Variants in SERPINA9 observed in about 807,000 individuals in gnomAD.
SERPINA9 encodes serpin A9.
Under a neutral mutation model 24.5 loss-of-function variants are expected in SERPINA9, and 32 were observed. The observed-to-expected ratio is 1.30, with a 90% confidence interval of 0.98 to 1.75. SERPINA9 has a LOEUF of 1.75. SERPINA9 is among the 40% of genes most tolerant of loss of function. SERPINA9 has a pLI of 0.00. For synonymous variants in SERPINA9, 233 were observed against 197.7 expected (o/e 1.18, Z -1.50); for missense variants, 594 against 497.1 (o/e 1.19, Z -1.85).
intron 3 of SERPINA9, among the ~76,000 whole-genome samples, chr14:94,465,936 C>T (rs10130707): frequency 0.28 from 42,781 of 152,074 alleles, 6,429 homozygotes; most frequent in East Asian, 0.43. Context: ...CTTAGTGACT[C>T]ACAGCAACGA....
At chr14:94,475,420 G>GCACA (rs796392665) in intron 1 of SERPINA9, among the ~76,000 whole-genome samples, 1 of 111,646 alleles carries the variant, frequency 9.0e-6, no homozygotes, top group Non-Finnish European at 1.9e-5. Context: ...GCCTACATGT[G>GCACA]CACACACACA....
At chr14:94,475,296 A>C (rs1899535359) in intron 1 of SERPINA9, among the ~76,000 whole-genome samples, 1 of 151,982 alleles carries the variant, frequency 6.6e-6, no homozygotes, top group African/African-American at 2.4e-5. Context: ...GTAACTCATC[A>C]GCTCACTCTC....
chr14:94,472,996 T>C (rs1185127689), intron 1 of SERPINA9, among the ~76,000 whole-genome samples: 1 of 152,150 alleles, frequency 6.6e-6, no homozygotes, highest in Non-Finnish European at 1.5e-5. Context: ...CATGCAGGGA[T>C]GTGCGGACTT....
Position 94,469,247 on chromosome 14 carries a change from C to CG in SERPINA9, c.593dup (p.Ala199GlyfsTer11). ...AAATGTGGTTCACCAGAACCATGGC[C>CG]GTCAGAAGGTCAAGGCCTTGGATTA... On this transcript the variant is annotated frameshift_variant, in exon 2 of 5. Coordinates refer to ENST00000674397, the MANE Select transcript of SERPINA9 (RefSeq NM_175739.4). LOFTEE classifies it high-confidence loss of function. 5.0e-6 allele frequency: 8 copies of CG among 1,613,914 alleles called. No individual in the cohort carries two copies. Among genetic ancestry groups the CG allele is most frequent in the Middle Eastern group, 1.6e-4 (1 of 6,062 alleles).
intron 3 of SERPINA9, among the ~76,000 whole-genome samples, chr14:94,465,783 C>T (rs1898975068): frequency 6.6e-6 from 1 of 152,186 alleles, no homozygotes; most frequent in Non-Finnish European, 1.5e-5. Context: ...CCCGCCTCGG[C>T]TTCCCAAAGT....
chr14:94,469,175 AAAAT>A lies in SERPINA9; in HGVS notation c.628+34_628+37del, dbSNP rs141362535. 3.4e-3 allele frequency: 5,345 copies of A among 1,562,354 alleles called. 255 individuals are homozygous for A. The East Asian group carries it at 0.099, about 29-fold the overall frequency. ...AAGCAAAAATCATCATCATCATCAT[AAAAT>A]AAATAAATAAAAATCAACTTCTCAA... On this transcript the variant is annotated intron_variant, in intron 2 of 4. Coordinates refer to ENST00000674397, the MANE Select transcript of SERPINA9 (RefSeq NM_175739.4).
At position 94,475,970 on chromosome 14, in the gene SERPINA9, A is replaced by C. The variant is rs1899621755; in HGVS notation, c.-18+166T>G. ...ACTCCAGCCTGGCTTCTGTATCCACAAAAATGTGACCCAGATGCTACTAAA... is the reference window on the plus strand; with the variant it reads ...ACTCCAGCCTGGCTTCTGTATCCACCAAAATGTGACCCAGATGCTACTAAA... On this transcript the variant is annotated intron_variant, in intron 1 of 4. Transcript: ENST00000674397. 3.0e-6 allele frequency: 3 copies of C among 1,001,386 alleles called. No individual in the cohort carries two copies. In the Admixed American group the frequency reaches 6.8e-5, roughly 23 times the overall value. The allele number at this position is 1,001,386 out of a possible 1,614,324, so 62.0% of individuals were successfully genotyped here.
chr14:94,475,880 C>G, intron 1 of SERPINA9: 1 of 515,056 alleles, frequency 1.9e-6, no homozygotes, highest in South Asian at 3.4e-5. Flanking sequence ...CCCTTGTGGC[C>G]CAAATTTTCA....
chr14:94,472,148 CT>C (rs1899351037), intron 1 of SERPINA9, among the ~76,000 whole-genome samples: 1 of 152,106 alleles, frequency 6.6e-6, no homozygotes, highest in Admixed American at 6.5e-5. Context: ...ACTGCTTCCC[CT>C]CTCTTCGGCC....
At chr14:94,472,077 C>T (rs148215942) in intron 1 of SERPINA9, among the ~76,000 whole-genome samples, 39 of 151,800 alleles carry the variant, frequency 2.6e-4, no homozygotes, top group African/African-American at 8.9e-4. Flanking sequence ...GGACAGATAG[C>T]CAGGGTCCTG....
rs1349528009 is a variant in SERPINA9 at position 94,463,101 on chromosome 14, T to C, written c.1246A>G (p.Lys416Glu). ...AACAGGCCATTTCCCACCTAGGATT[T>C]AGTGGGATTTTCCACTTTCCCTAGA... ...LFLGKVENPT[K>E]S The change falls in exon 5 of 5, where the codon AAA (lysine) becomes GAA (glutamate). Residue 416 changes from lysine (K) to glutamate (E), a missense_variant. Lys to Glu is a moderately conservative substitution (Grantham distance 56). Coordinates refer to ENST00000674397, the MANE Select transcript of SERPINA9 (RefSeq NM_175739.4). The C allele has an allele frequency of 1.2e-6, 2 of 1,611,802 alleles. No individual in the cohort carries two copies. The highest frequency in any genetic ancestry group is 1.7e-6 in the Non-Finnish European group (2 of 1,177,946).
intron 2 of SERPINA9, 79 bp downstream of exon 2, chr14:94,469,134 G>T: frequency 7.5e-7 from 1 of 1,333,942 alleles, no homozygotes; most frequent in Non-Finnish European, 1.0e-6. Context: ...GGTTTGTCTG[G>T]CTTGTGTATT....
intron 4 of SERPINA9, 158 bp downstream of exon 4, chr14:94,464,549 G>C (rs1898902428): frequency 1.6e-6 from 1 of 620,232 alleles, no homozygotes; most frequent in Non-Finnish European, 2.8e-6. Context: ...CCAGAGGGAT[G>C]GTGGCCATAG....
At chr14:94,465,562 C>G (rs1273492723) in intron 3 of SERPINA9, among the ~76,000 whole-genome samples, 3 of 152,038 alleles carry the variant, frequency 2.0e-5, no homozygotes. Flanking sequence ...GAGTCTCACT[C>G]TGTCGCTCAG....
intron 1 of SERPINA9, among the ~76,000 whole-genome samples, chr14:94,474,354 C>T (rs1336357969): frequency 6.6e-6 from 1 of 152,172 alleles, no homozygotes; most frequent in African/African-American, 2.4e-5. Flanking sequence ...GGGAGACCCA[C>T]CTGAAGTCGG....
rs368995727 is a variant in SERPINA9, at chr14:94,469,785, T to C, written c.56A>G (p.Tyr19Cys). ...GGGGGCATTGGCCGGGGACACACAG[T>C]AGATTGGAGCACAGAGGCCAACAGC... ...LFAVGLCAPI[Y>C]CVSPANAPSA... is the part of the protein sequence containing the mutation. The change falls in exon 2 of 5, where the codon TAC becomes TGC. Residue 19 changes from tyrosine to cysteine, a missense_variant. Transcript: ENST00000674397. 8.5e-6 allele frequency: 13 copies of C among 1,537,028 alleles called. No homozygotes were observed. In the African/African-American group the frequency reaches 1.8e-4, roughly 21 times the overall value.
chr14:94,475,654 T>A (rs1899577586), intron 1 of SERPINA9, among the ~76,000 whole-genome samples: 2 of 152,162 alleles, frequency 1.3e-5, no homozygotes, highest in African/African-American at 2.4e-5. Context: ...TCCCCCTTCC[T>A]GGGCCTTAGA....
At chr14:94,475,954 TG>T in intron 1 of SERPINA9, 181 bp downstream of exon 1, 3 of 790,884 alleles carry the variant, frequency 3.8e-6, no homozygotes, top group South Asian at 1.7e-5. Flanking sequence ...CACTCCAGCC[TG>T]GCTTCTGTAT....
At position 94,469,728 on chromosome 14, in the gene SERPINA9, C is replaced by T. The variant is rs372542319; in HGVS notation, c.113G>A (p.Ser38Asn). 4.4e-6 allele frequency: 7 copies of T among 1,590,964 alleles called. No homozygotes were observed. Among genetic ancestry groups the T allele is most frequent in the Non-Finnish European group, 6.0e-6 (7 of 1,166,808 alleles). ...GGAATACACCTGTGAGGCAGGGGTG[C>T]TCTTTGTGGAGGAAGGGCGGGGGTA... Reference protein sequence around the residue: ...SAYPRPSSTKSTPASQVYSLN... With the variant: ...SAYPRPSSTKNTPASQVYSLN... Residue 38 changes from serine (S) to asparagine (N), a missense_variant, in exon 2 of 5, where the codon AGC (serine) becomes AAC (asparagine). Transcript: ENST00000674397.
Sources: allele counts gnomAD v4.1 joint callset (sites outside exome capture counted in the v4.1 genomes callset), GRCh38; gene constraint gnomAD v4.1.1; transcripts MANE v1.5; gene names NCBI Gene and HGNC (gene_info 2026-07-23, HGNC 2026-07-21).